Variants in TRDN observed in about 807,000 individuals in gnomAD.
TRDN encodes triadin, also known as triadin in skeletal muscle.
In TRDN, 161 loss-of-function variants were observed where a neutral mutation model predicts 149.7. The ratio of observed to expected loss-of-function variants is 1.08; its 90% CI spans 0.95 to 1.23. The LOEUF is 1.23. Among genes scored for constraint, TRDN ranks in the 50% most tolerant of loss-of-function variants. The pLI is 0.00. For synonymous variants in TRDN, 294 were observed against 250.5 expected (o/e 1.17, Z -1.64); for missense variants, 896 against 823.5 (o/e 1.09, Z -1.08).
rs555017454 is a variant in TRDN, at chr6:123,424,861, C to T, written c.1051+13202G>A. 5.9e-5 allele frequency among the ~76,000 whole-genome samples: 9 copies of T among 152,242 alleles called. No homozygotes were observed. In the East Asian group the frequency reaches 1.4e-3, roughly 23 times the overall value. Reference sequence around the variant, plus strand: ...AAACAGATGAAGGCAGAGCATCCATCAACCTGGGTGCCTAAGTGGCTATGA... The same window carrying T: ...AAACAGATGAAGGCAGAGCATCCATTAACCTGGGTGCCTAAGTGGCTATGA... On this transcript the variant is annotated intron_variant, in intron 12 of 40. Coordinates refer to ENST00000334268, the MANE Select transcript of TRDN (RefSeq NM_006073.4).
intron 37 of TRDN, among the ~76,000 whole-genome samples, chr6:123,254,740 G>T (rs1362482111): frequency 6.6e-6 from 1 of 151,822 alleles, no homozygotes; most frequent in African/African-American, 2.4e-5. Flanking sequence ...TTTAGTGATA[G>T]ATAAAAATAA....
At chr6:123,412,947 A>G (rs553476581) in intron 12 of TRDN, among the ~76,000 whole-genome samples, 2 of 152,308 alleles carry the variant, frequency 1.3e-5, no homozygotes, top group East Asian at 3.9e-4. Flanking sequence ...ATCCCCAAAA[A>G]ATATCTAAAA....
intron 2 of TRDN, among the ~76,000 whole-genome samples, chr6:123,554,350 T>C (rs2114466159): frequency 6.6e-6 from 1 of 152,304 alleles, no homozygotes; most frequent in South Asian, 2.1e-4. Context: ...TACAATATTC[T>C]AAGTGTAATA....
chr6:123,598,650 C>G (rs1017281211), intron 1 of TRDN, among the ~76,000 whole-genome samples: 10 of 152,030 alleles, frequency 6.6e-5, no homozygotes, highest in Admixed American at 2.6e-4. Context: ...CATAGCCACA[C>G]CCATTCATTT....
intron 38 of TRDN, among the ~76,000 whole-genome samples, chr6:123,246,936 G>A (rs1776203866): frequency 6.6e-6 from 1 of 152,150 alleles, no homozygotes; most frequent in Admixed American, 6.5e-5. Context: ...TGGGATGCAA[G>A]GTTGGTTCAA....
chr6:123,591,407 A>G (rs1048413043), intron 1 of TRDN, among the ~76,000 whole-genome samples: 1 of 152,004 alleles, frequency 6.6e-6, no homozygotes, highest in African/African-American at 2.4e-5. Flanking sequence ...CACCACGCCC[A>G]GCTAATTTTT....
chr6:123,234,655 A>G (rs1411530791), intron 38 of TRDN, among the ~76,000 whole-genome samples: 1 of 152,144 alleles, frequency 6.6e-6, no homozygotes, highest in African/African-American at 2.4e-5. Context: ...ACTATTGGAC[A>G]CTAATACTTC....
chr6:123,630,484 C>G (rs994724497), intron 1 of TRDN, among the ~76,000 whole-genome samples: 2 of 151,926 alleles, frequency 1.3e-5, no homozygotes, highest in Non-Finnish European at 1.5e-5. Context: ...GGCCTTAAGT[C>G]TCTATGGATT....
intron 9 of TRDN, among the ~76,000 whole-genome samples, chr6:123,474,793 A>T (rs1777375519): frequency 6.6e-6 from 1 of 152,064 alleles, no homozygotes; most frequent in South Asian, 2.1e-4. Context: ...GCTCAACTAC[A>T]TGGAAACTGA....
intron 1 of TRDN, among the ~76,000 whole-genome samples, chr6:123,618,881 CT>C (rs1785236937): frequency 6.6e-6 from 1 of 152,008 alleles, no homozygotes; most frequent in African/African-American, 2.4e-5. Flanking sequence ...CTTCCTTGTT[CT>C]TTTTTATGAA....
At chr6:123,538,229 T>TA (rs560299289) in intron 4 of TRDN, among the ~76,000 whole-genome samples, 364 of 152,202 alleles carry the variant, frequency 2.4e-3, no homozygotes, top group African/African-American at 8.5e-3. Flanking sequence ...ATTTTAATAT[T>TA]AAAAAAACAA....
intron 2 of TRDN, among the ~76,000 whole-genome samples, chr6:123,570,448 A>G (rs974155400): frequency 6.6e-6 from 1 of 152,240 alleles, no homozygotes; most frequent in African/African-American, 2.4e-5. Flanking sequence ...CCGGTGGCAG[A>G]AGCAAAGAGT....
rs146628440 is a variant in TRDN, at chr6:123,465,683, A to T, written c.854-700T>A. On this transcript the variant is annotated intron_variant, in intron 9 of 40. Coordinates refer to ENST00000334268, the MANE Select transcript of TRDN (RefSeq NM_006073.4). ...TCCCAAGTGATTTCTTTAATTAACC[A>T]ATACCATCCAGGCCATGAACTCTCA... 1.1e-3 allele frequency among the ~76,000 whole-genome samples: 165 copies of T among 152,084 alleles called. 5 individuals are homozygous for T. The East Asian group carries it at 0.031, about 28-fold the overall frequency.
At chr6:123,489,588 T>A (rs1473361161) in intron 9 of TRDN, 1 of 152,178 alleles carries the variant, frequency 6.6e-6, no homozygotes, top group African/African-American at 2.4e-5. Context: ...TGTGACAGCA[T>A]TGGACAATTT....
At chr6:123,322,640 A>G (rs902405453) in intron 23 of TRDN, among the ~76,000 whole-genome samples, 2 of 146,276 alleles carry the variant, frequency 1.4e-5, no homozygotes, top group African/African-American at 5.0e-5. Context: ...TATTATTATT[A>G]TTATTATTAT....
At chr6:123,320,282 A>T (rs528455357) in intron 23 of TRDN, among the ~76,000 whole-genome samples, 85 of 151,700 alleles carry the variant, frequency 5.6e-4, no homozygotes, top group Non-Finnish European at 1.0e-3. Flanking sequence ...TAAGTATATT[A>T]TATATGTTAT....
intron 23 of TRDN, among the ~76,000 whole-genome samples, chr6:123,330,705 ATAACAATTATGTTTATTT>A (rs1779629224): frequency 1.3e-5 from 2 of 152,122 alleles, no homozygotes; most frequent in Non-Finnish European, 2.9e-5. Flanking sequence ...ATTTCATTAA[ATAACAATTATGTTTATTT>A]TAACATTAGT....
At chr6:123,594,717 T>G (rs961713698) in intron 1 of TRDN, among the ~76,000 whole-genome samples, 2 of 151,386 alleles carry the variant, frequency 1.3e-5, no homozygotes, top group African/African-American at 4.9e-5. Flanking sequence ...ATTTTAGGAT[T>G]AATAAACAAC....
chr6:123,338,082 A>G (rs1050915895), intron 21 of TRDN, among the ~76,000 whole-genome samples: 2 of 152,298 alleles, frequency 1.3e-5, no homozygotes, highest in Non-Finnish European at 1.5e-5. Context: ...TAAATTGATT[A>G]AATAACTTTC....
Sources: allele counts gnomAD v4.1 joint callset (sites outside exome capture counted in the v4.1 genomes callset), GRCh38; gene constraint gnomAD v4.1.1; transcripts MANE v1.5; gene names NCBI Gene and HGNC (gene_info 2026-07-23, HGNC 2026-07-21).